The following ASXL2 variants were observed in gnomAD, a reference collection of about 807,000 sequenced individuals.
ASXL2 encodes putative Polycomb group protein ASXL2.
Under a neutral mutation model 122.0 loss-of-function variants are expected in ASXL2, and 23 were observed. The ratio of observed to expected loss-of-function variants is 0.19; its 90% CI spans 0.14 to 0.27. The LOEUF is 0.27. ASXL2 is among the 10% of genes least tolerant of loss of function. ASXL2 has a pLI of 1.00. For synonymous variants in ASXL2, 650 were observed against 637.0 expected (o/e 1.02, Z -0.31); for missense variants, 1,518 against 1,713.8 (o/e 0.89, Z 2.02).
intron 11 of ASXL2, 135 bp downstream of exon 11, chr2:25,753,399 C>CAA (rs568924441): frequency 1.2e-3 from 519 of 440,100 alleles, no homozygotes; most frequent in South Asian, 1.9e-3. Context: ...ATCAGTGAGA[C>CAA]AAAAAAAAAA....
rs183178575 is a variant in ASXL2, at chr2:25,810,921, A to G, written c.144-4584T>C. 3.9e-5 allele frequency among the ~76,000 whole-genome samples: 6 copies of G among 152,306 alleles called. No individual in the cohort carries two copies. In the East Asian group the frequency reaches 1.2e-3, roughly 29 times the overall value. On this transcript the variant is annotated intron_variant, in intron 3 of 12. Transcript: ENST00000435504. ...TTAAAAGCCAAAGGCAAAATATAAAAGATTAAAAGAAAACAGTATAATCTT... is the reference window on the plus strand; with the variant it reads ...TTAAAAGCCAAAGGCAAAATATAAAGGATTAAAAGAAAACAGTATAATCTT...
At chr2:25,756,161 G>GT (rs770553763) in intron 9 of ASXL2, 47 bp from the exon 10 acceptor site, 457 of 1,186,238 alleles carry the variant, frequency 3.9e-4, no homozygotes, top group Non-Finnish European at 5.0e-4. Context: ...AAAGTGAAAG[G>GT]TATCACGTCG....
rs200918870 is a variant in ASXL2, at chr2:25,764,307, C to T, written c.775+3276G>A. Reference sequence around the variant, plus strand: ...ATCTTCTTTCTTTTAAAAAAAGCTGCATCACATTCCAATGTATACACCAGG... The same window carrying T: ...ATCTTCTTTCTTTTAAAAAAAGCTGTATCACATTCCAATGTATACACCAGG... On this transcript the variant is annotated intron_variant, in intron 8 of 12. Coordinates refer to ENST00000435504, the MANE Select transcript of ASXL2 (RefSeq NM_018263.6). Among the ~76,000 whole-genome samples the T allele has an allele frequency of 2.8e-4, 43 of 152,276 alleles. No homozygotes were observed. In the East Asian group the frequency reaches 7.7e-3, roughly 27 times the overall value.
At position 25,740,439 on chromosome 2, in the gene ASXL2, G is replaced by A. The variant is rs2087809421; in HGVS notation, c.*1590C>T. On this transcript the variant is annotated 3_prime_UTR_variant, in exon 13 of 13. Transcript: ENST00000435504. ...AGGACAAATACAACTGTACTATGTT[G>A]CATTAACATTTGTACTTTACCCATT... The A allele has an allele frequency of 8.8e-6, 2 of 227,458 alleles. No homozygotes were observed. The highest frequency in any genetic ancestry group is 4.4e-5 in the African/African-American group (2 of 45,008). The allele number at this position is 227,458 out of a possible 1,614,324, so 14.1% of individuals were successfully genotyped here.
chr2:25,748,226 C>G (rs183683848), intron 12 of ASXL2, among the ~76,000 whole-genome samples: 1 of 151,008 alleles, frequency 6.6e-6, no homozygotes, highest in Non-Finnish European at 1.5e-5. Context: ...GAAGTACAGA[C>G]GGTGGCCCAC....
At chr2:25,860,315 A>T (rs889765842) in intron 1 of ASXL2, among the ~76,000 whole-genome samples, 2 of 151,232 alleles carry the variant, frequency 1.3e-5, no homozygotes, top group African/African-American at 4.9e-5. Flanking sequence ...CCGCCTCAAA[A>T]ATAAAAAAAA....
rs1254142834 is a variant in ASXL2, at chr2:25,740,367, A to C, written c.*1662T>G. On this transcript the variant is annotated 3_prime_UTR_variant, in exon 13 of 13. Coordinates refer to ENST00000435504, the MANE Select transcript of ASXL2 (RefSeq NM_018263.6). ...CTCCTAATCTGGAATGTGACTTAACAAGTTTAAACTGTTCTGCATTTTGTA... is the reference window on the plus strand; with the variant it reads ...CTCCTAATCTGGAATGTGACTTAACCAGTTTAAACTGTTCTGCATTTTGTA... The C allele has an allele frequency of 1.3e-5, 3 of 225,106 alleles. No individual in the cohort carries two copies. The East Asian group carries it at 1.9e-4, about 14-fold the overall frequency. 13.9% of individuals were successfully genotyped at this position (225,106 alleles called of 1,614,324 possible). A position where few individuals can be genotyped will look rare whatever the true frequency, so the allele number is the denominator to read the frequency against.
intron 2 of ASXL2, among the ~76,000 whole-genome samples, chr2:25,841,287 C>T (rs377112081): frequency 1.3e-5 from 2 of 151,468 alleles, no homozygotes; most frequent in African/African-American, 4.9e-5. Flanking sequence ...CAGAGTGAGA[C>T]CCTGCCTCAG....
chr2:25,797,731 C>T (rs1201371853), intron 5 of ASXL2, among the ~76,000 whole-genome samples: 1 of 152,198 alleles, frequency 6.6e-6, no homozygotes, highest in East Asian at 1.9e-4. Flanking sequence ...AATAACCACA[C>T]TAAATGCTGA....
At chr2:25,774,772 C>A (rs980610210) in intron 5 of ASXL2, among the ~76,000 whole-genome samples, 2 of 152,134 alleles carry the variant, frequency 1.3e-5, no homozygotes, top group African/African-American at 4.8e-5. Flanking sequence ...GTGATACTGC[C>A]AGTTTTCCAA....
At chr2:25,752,864 AAAAG>A (rs2088069355) in intron 11 of ASXL2, among the ~76,000 whole-genome samples, 2 of 152,058 alleles carry the variant, frequency 1.3e-5, no homozygotes, top group Admixed American at 6.5e-5. Flanking sequence ...AAAAAAAAAA[AAAAG>A]AACTAAAGAA....
intron 1 of ASXL2, among the ~76,000 whole-genome samples, chr2:25,877,481 G>A (rs2090018660): frequency 6.6e-6 from 1 of 151,996 alleles, no homozygotes; most frequent in African/African-American, 2.4e-5. Flanking sequence ...CTAGGGTAAC[G>A]TGAAGGCCGG....
intron 5 of ASXL2, chr2:25,780,319 A>G (rs561253611): frequency 6.6e-6 from 1 of 152,256 alleles, no homozygotes; most frequent in Non-Finnish European, 1.5e-5. Flanking sequence ...ATATCCTAGA[A>G]CAGAACATGG....
intron 3 of ASXL2, among the ~76,000 whole-genome samples, chr2:25,811,210 A>G (rs2089165872): frequency 6.6e-6 from 1 of 151,978 alleles, no homozygotes; most frequent in Non-Finnish European, 1.5e-5. Context: ...CCATGATCAC[A>G]CCACTGCACT....
At chr2:25,835,251 T>C (rs575254668) in intron 3 of ASXL2, among the ~76,000 whole-genome samples, 12 of 152,354 alleles carry the variant, frequency 7.9e-5, no homozygotes, top group Admixed American at 2.0e-4. Context: ...TGCAGAATAC[T>C]TGGCATCCCA....
chr2:25,755,876 C>T (rs899909275), intron 10 of ASXL2, 142 bp downstream of exon 10: 43 of 680,414 alleles, frequency 6.3e-5, no homozygotes, highest in South Asian at 1.2e-4. Flanking sequence ...AGTTTAACAA[C>T]GTGTTCCACA....
chr2:25,780,417 A>T (rs1186016138), intron 5 of ASXL2: 1 of 152,090 alleles, frequency 6.6e-6, no homozygotes, highest in Non-Finnish European at 1.5e-5. Context: ...GTTGATGGGT[A>T]TTTTTTTGGG....
rs2087885034 is a variant in ASXL2 at position 25,743,680 on chromosome 2, G to A, written c.2657C>T (p.Pro886Leu). ...ASVPVAVTPS[P>L]LTSLLTTATL... ...GGCTGTGGTCAATAAAGATGTTAAA[G>A]GGGAGGGAGTTACAGCCACTGGCAC... is the stretch of plus-strand genomic sequence containing the variant. Residue 886 changes from proline to leucine, a missense_variant, in exon 13 of 13, where the codon CCT (proline) becomes CTT (leucine). Transcript: ENST00000435504. The A allele has an allele frequency of 1.2e-6, 2 of 1,614,034 alleles. No homozygotes were observed. Among genetic ancestry groups the A allele is most frequent in the South Asian group, 2.2e-5 (2 of 91,084 alleles).
At chr2:25,864,106 G>T (rs1005011630) in intron 1 of ASXL2, among the ~76,000 whole-genome samples, 5 of 152,010 alleles carry the variant, frequency 3.3e-5, no homozygotes. Flanking sequence ...AACAAAACAG[G>T]TATGTCCAGA....
Sources: gnomAD v4.1 joint callset for allele counts (sites outside exome capture counted in the v4.1 genomes callset) on GRCh38, gnomAD v4.1.1 for gene constraint, MANE v1.5 for transcripts, NCBI Gene and HGNC (gene_info 2026-07-23, HGNC 2026-07-21) for gene names.